ZNF275: variants seen among roughly 807,000 people sequenced by gnomAD.
ZNF275 encodes the protein zinc finger protein 275.
In ZNF275, 4 loss-of-function variants were observed where a neutral mutation model predicts 4.3. The observed-to-expected ratio is 0.93, with a 90% CI of 0.46 to 2.13. The LOEUF (loss-of-function observed/expected upper bound fraction) is 2.13, where lower values mean the gene tolerates loss of function less well. Ranked by LOEUF, ZNF275 falls within the 30% of genes most tolerant of loss-of-function variation. The pLI is 0.02. For synonymous variants in ZNF275, 173 were observed against 166.9 expected (o/e 1.04, Z -0.28); for missense variants, 352 against 397.1 (o/e 0.89, Z 0.97).
chrX:153,338,700 G>A (rs897085890), intron 2 of ZNF275, among the ~76,000 whole-genome samples: 5 of 92,231 alleles, frequency 5.4e-5, no homozygotes, highest in Non-Finnish European at 1.0e-4. Context: ...GTGTGTGTGT[G>A]TGTGTGTGTG....
In ZNF275 at chrX:153,349,326, C is replaced by T. The variant is rs782673263; in HGVS notation, c.*1351C>T. 4.8e-5 allele frequency: 6 copies of T among 124,132 alleles called. No homozygotes were observed. Among genetic ancestry groups the T allele is most frequent in the Non-Finnish European group, 1.1e-4 (6 of 53,441 alleles). The allele number at this position is 124,132 out of a possible 1,213,427, so 10.2% of individuals were successfully genotyped here. A position where few individuals can be genotyped will look rare whatever the true frequency, so the allele number is the denominator to read the frequency against. On this transcript the variant is annotated 3_prime_UTR_variant, in exon 4 of 4. Transcript: ENST00000650114. ...CATTGTCATAGTTATTGCCGTCATT[C>T]TGTGGCTTGTCAATTCCAGAACTGG...
intron 2 of ZNF275, among the ~76,000 whole-genome samples, chrX:153,337,521 A>C (rs985525306): frequency 8.9e-6 from 1 of 112,313 alleles, no homozygotes. Flanking sequence ...CCATGCAGTA[A>C]ATTTGATTTA....
rs1196951904 is a variant in ZNF275 at position 153,345,455 on chromosome X, G to A, written c.32-65G>A. On this transcript the variant is annotated intron_variant, in intron 2 of 3. Transcript: ENST00000650114. ...GTTCCCCTTCAAAGGCCTTGCCTATGTTCCTCCACTATTCTCATGTCATCT... is the reference window on the plus strand; with the variant it reads ...GTTCCCCTTCAAAGGCCTTGCCTATATTCCTCCACTATTCTCATGTCATCT... 1.5e-5 allele frequency: 14 copies of A among 929,576 alleles called. No homozygotes were observed. In the Admixed American group the frequency reaches 2.3e-4, roughly 15 times the overall value. The allele number at this position is 929,576 out of a possible 1,213,427, so 76.6% of individuals were successfully genotyped here.
chrX:153,340,169 G>A (rs1393746921), intron 2 of ZNF275, among the ~76,000 whole-genome samples: 2 of 112,373 alleles, frequency 1.8e-5, no homozygotes, highest in African/African-American at 6.5e-5. Context: ...GGGTGTGGCT[G>A]CTGAGCACCC....
intron 2 of ZNF275, among the ~76,000 whole-genome samples, chrX:153,341,509 T>C (rs1327326345): frequency 3.6e-5 from 4 of 112,310 alleles, no homozygotes; most frequent in African/African-American, 9.7e-5. Context: ...GCATTGTATA[T>C]TTCCCCACAT....
chrX:153,344,896 T>C (rs2088502804), intron 2 of ZNF275: 1 of 300,615 alleles, frequency 3.3e-6, no homozygotes, highest in Non-Finnish European at 6.5e-6. Context: ...ACACAATGGG[T>C]CTGCCACACC....
In ZNF275 at chrX:153,350,236, A is replaced by G. The variant is rs1278663999; in HGVS notation, c.*2261A>G. 8.0e-6 allele frequency: 1 copy of G among 124,300 alleles called. No individual in the cohort carries two copies. Among genetic ancestry groups the G allele is most frequent in the Non-Finnish European group, 1.9e-5 (1 of 53,426 alleles). 10.2% of individuals were successfully genotyped at this position (124,300 alleles called of 1,213,427 possible). ...CTATAGCCACACCTAAGTGAGGGCA[A>G]CAGAGCAGAGGCTCGGAGAGGAACC... On this transcript the variant is annotated 3_prime_UTR_variant, in exon 4 of 4. Coordinates refer to ENST00000650114, the MANE Select transcript of ZNF275 (RefSeq NM_001367757.1).
Position 153,348,196 on chromosome X carries a change from C to A in ZNF275, c.*221C>A. 1 of 208,011 alleles carries A rather than the reference C, an allele frequency of 4.8e-6. No individual in the cohort carries two copies. Among genetic ancestry groups the A allele is most frequent in the South Asian group, 9.5e-5 (1 of 10,501 alleles). 17.1% of individuals were successfully genotyped at this position (208,011 alleles called of 1,213,427 possible). ...TAGTTTAACTGGTAGGAAGTACCATCAAGGTATTTCAGTCCACATGCCTTG... is the reference window on the plus strand; with the variant it reads ...TAGTTTAACTGGTAGGAAGTACCATAAAGGTATTTCAGTCCACATGCCTTG... On this transcript the variant is annotated 3_prime_UTR_variant, in exon 4 of 4. Coordinates refer to ENST00000650114, the MANE Select transcript of ZNF275 (RefSeq NM_001367757.1).
chrX:153,347,535 C>T lies in ZNF275; in HGVS notation c.850C>T (p.Gln284Ter). The change falls in exon 4 of 4, where the codon CAG becomes TAG. Residue 284 changes from glutamine to a stop codon, truncating the protein, a stop_gained. Coordinates refer to ENST00000650114, the MANE Select transcript of ZNF275 (RefSeq NM_001367757.1). LOFTEE classifies it low-confidence loss of function (END_TRUNC). ...FRGVNGLAEHQRIHSGAKPYG... is the reference protein window; with the variant it reads ...FRGVNGLAEH ...AGGGGTCAACGGGCTGGCCGAGCAC[C>T]AGCGCATCCACAGTGGGGCCAAGCC... 1 of 1,190,751 alleles carries T rather than the reference C, an allele frequency of 8.4e-7. No homozygotes were observed. Among genetic ancestry groups the T allele is most frequent in the Non-Finnish European group, 1.1e-6 (1 of 885,547 alleles).
intron 1 of ZNF275, among the ~76,000 whole-genome samples, chrX:153,334,871 T>TGGGGGGGGG (rs34010706): frequency 1.8e-5 from 1 of 55,086 alleles, no homozygotes; most frequent in African/African-American, 6.4e-5. Context: ...TGGGTGGGAG[T>TGGGGGGGGG]GGGGGGGGGC....
Position 153,338,284 on chromosome X carries a change from C to T in ZNF275, c.31+1574C>T, listed in dbSNP as rs148854142. 1.4e-3 allele frequency among the ~76,000 whole-genome samples: 159 copies of T among 110,896 alleles called. 2 individuals are homozygous for T. In the East Asian group the frequency reaches 0.038, roughly 27 times the overall value. On this transcript the variant is annotated intron_variant, in intron 2 of 3. Transcript: ENST00000650114. Reference sequence around the variant, plus strand: ...TTTGCTTCTCATGCAGCTCTTTTACCTGATATACTTGATTGATTAATTATG... The same window carrying T: ...TTTGCTTCTCATGCAGCTCTTTTACTTGATATACTTGATTGATTAATTATG...
At position 153,349,472 on chromosome X, in the gene ZNF275, A is replaced by G. The variant is rs1241489015; in HGVS notation, c.*1497A>G. 1 of 123,917 alleles carries G rather than the reference A, an allele frequency of 8.1e-6. No individual in the cohort carries two copies. Among genetic ancestry groups the G allele is most frequent in the Non-Finnish European group, 1.9e-5 (1 of 53,361 alleles). 10.2% of individuals were successfully genotyped at this position (123,917 alleles called of 1,213,427 possible). A position where few individuals can be genotyped will look rare whatever the true frequency, so the allele number is the denominator to read the frequency against. On this transcript the variant is annotated 3_prime_UTR_variant, in exon 4 of 4. Coordinates refer to ENST00000650114, the MANE Select transcript of ZNF275 (RefSeq NM_001367757.1). ...ATCTCCTTTGACTAGTTATCAACTT[A>G]CCTTCGGATATATTAACTTTATGTA...
Position 153,347,415 on chromosome X carries a change from A to C in ZNF275, c.730A>C (p.Arg244=), listed in dbSNP as rs1556961749. The change falls in exon 4 of 4, where the codon AGG becomes CGG. Residue 244 remains arginine, a synonymous_variant. Transcript: ENST00000650114. ...EKPFACKACS[R]DFLDRQELLK... ...GCCTTTCGCCTGCAAGGCGTGCAGC[A>C]GGGATTTCCTGGATCGCCAGGAGCT... 8.2e-7 allele frequency: 1 copy of C among 1,212,195 alleles called. No homozygotes were observed. The highest frequency in any genetic ancestry group is 2.2e-5 in the Admixed American group (1 of 46,147).
In ZNF275 at chrX:153,347,565, G is replaced by A. The variant is rs782522654; in HGVS notation, c.880G>A (p.Gly294Arg). ...QRIHSGAKPY[G>R]CPHCGKLFRR... Reference sequence around the variant, plus strand: ...CATCCACAGTGGGGCCAAGCCATACGGGTGTCCCCACTGCGGCAAGCTCTT... The same window carrying A: ...CATCCACAGTGGGGCCAAGCCATACAGGTGTCCCCACTGCGGCAAGCTCTT... Residue 294 changes from glycine to arginine, a missense_variant, in exon 4 of 4, where the codon GGG becomes AGG. By Grantham distance (125) the Gly-to-Arg change is moderately radical (BLOSUM62 -2). Coordinates refer to ENST00000650114, the MANE Select transcript of ZNF275 (RefSeq NM_001367757.1). 8.4e-7 allele frequency: 1 copy of A among 1,189,464 alleles called. No homozygotes were observed. Among genetic ancestry groups the A allele is most frequent in the South Asian group, 1.9e-5 (1 of 52,925 alleles).
In ZNF275 at chrX:153,352,018, G is replaced by A. The variant is rs143775675; in HGVS notation, c.*4043G>A. The A allele has an allele frequency of 0.047, 5,238 of 111,943 alleles. 138 individuals are homozygous for A. Among genetic ancestry groups the A allele is most frequent in the Non-Finnish European group, 0.065 (3,463 of 53,238 alleles). 9.2% of individuals were successfully genotyped at this position (111,943 alleles called of 1,213,427 possible). On this transcript the variant is annotated 3_prime_UTR_variant, in exon 4 of 4. Coordinates refer to ENST00000650114, the MANE Select transcript of ZNF275 (RefSeq NM_001367757.1). ...CATGATGGACCACGGACACCACCAG[G>A]CCTTCCAGATCTGAAATGCAAACAA...
intron 2 of ZNF275, among the ~76,000 whole-genome samples, chrX:153,340,572 T>A (rs1556960971): frequency 8.9e-6 from 1 of 112,808 alleles, no homozygotes; most frequent in Non-Finnish European, 1.9e-5. Context: ...ATTTTACAAT[T>A]GTTATGCTTT....
intron 2 of ZNF275, among the ~76,000 whole-genome samples, chrX:153,339,193 C>T (rs1259390554): frequency 8.9e-6 from 1 of 111,822 alleles, no homozygotes; most frequent in African/African-American, 3.3e-5. Context: ...GCTGCAGACA[C>T]TGGGGACTCA....
At chrX:153,346,631 C>T (rs1556961590) in intron 3 of ZNF275, among the ~76,000 whole-genome samples, 188 bp from the exon 4 acceptor site, 1 of 112,785 alleles carries the variant, frequency 8.9e-6, no homozygotes, top group African/African-American at 3.2e-5. Context: ...CTCAGCACCA[C>T]TGTGGTAGAG....
At position 153,352,584 on chromosome X, in the gene ZNF275, T is replaced by G. The variant is rs1434985110; in HGVS notation, c.*4609T>G. On this transcript the variant is annotated 3_prime_UTR_variant, in exon 4 of 4. Coordinates refer to ENST00000650114, the MANE Select transcript of ZNF275 (RefSeq NM_001367757.1). ...ATTGCATCACTTTGGATGTTTACTTTGAAAAGCAGAAACTGTCTCTTTAAA... is the reference window on the plus strand; with the variant it reads ...ATTGCATCACTTTGGATGTTTACTTGGAAAAGCAGAAACTGTCTCTTTAAA... 1 of 112,603 alleles carries G rather than the reference T, an allele frequency of 8.9e-6. No individual in the cohort carries two copies. Among genetic ancestry groups the G allele is most frequent in the Non-Finnish European group, 1.9e-5 (1 of 53,320 alleles). The allele number at this position is 112,603 out of a possible 1,213,427, so 9.3% of individuals were successfully genotyped here.
Sources: allele counts gnomAD v4.1 joint callset (sites outside exome capture counted in the v4.1 genomes callset), GRCh38; gene constraint gnomAD v4.1.1; transcripts MANE v1.5; gene names NCBI Gene and HGNC (gene_info 2026-07-23, HGNC 2026-07-21).